HS6ST3: variants seen among roughly 807,000 people sequenced by gnomAD.
The protein encoded by HS6ST3 is heparan sulfate 6-O-sulfotransferase 3.
A neutral mutation model predicts 36.7 loss-of-function variants in HS6ST3; 12 were observed. That is an observed-to-expected ratio of 0.33 (90% CI 0.21 to 0.53). The LOEUF is 0.53. Among genes scored for constraint, HS6ST3 ranks in the 20% least tolerant of loss-of-function variants. The pLI, the probability that HS6ST3 is intolerant of heterozygous loss-of-function variation, is 0.95. For synonymous variants in HS6ST3, 240 were observed against 257.5 expected (o/e 0.93, Z 0.65); for missense variants, 584 against 640.9 (o/e 0.91, Z 0.96).
At chr13:96,264,599 A>G (rs1386316935) in intron 1 of HS6ST3, among the ~76,000 whole-genome samples, 1 of 152,202 alleles carries the variant, frequency 6.6e-6, no homozygotes, top group Non-Finnish European at 1.5e-5. Context: ...GCCCTCATGA[A>G]TGGCTGAAAA....
intron 1 of HS6ST3, among the ~76,000 whole-genome samples, chr13:96,316,107 G>C (rs1359698310): frequency 6.6e-6 from 1 of 152,122 alleles, no homozygotes; most frequent in African/African-American, 2.4e-5. Context: ...TCATAAACCA[G>C]TACTTGTGGA....
intron 1 of HS6ST3, among the ~76,000 whole-genome samples, chr13:96,475,391 CTGAAGGCTT>C (rs2055858456): frequency 6.6e-6 from 1 of 152,018 alleles, no homozygotes; most frequent in African/African-American, 2.4e-5. Context: ...GCACATTTTC[CTGAAGGCTT>C]TGGGCACTAA....
At chr13:96,731,804 C>T (rs2138477456) in intron 1 of HS6ST3, among the ~76,000 whole-genome samples, 1 of 151,988 alleles carries the variant, frequency 6.6e-6, no homozygotes, top group East Asian at 1.9e-4. Flanking sequence ...TACAGGCATG[C>T]ACCACCACAC....
chr13:96,110,443 T>A (rs1298286364), intron 1 of HS6ST3, among the ~76,000 whole-genome samples: 1 of 144,134 alleles, frequency 6.9e-6, no homozygotes, highest in Admixed American at 6.9e-5. Flanking sequence ...TGTGTGTGTG[T>A]TTTTTTTTTT....
At chr13:96,128,915 A>G (rs2053963982) in intron 1 of HS6ST3, among the ~76,000 whole-genome samples, 1 of 150,432 alleles carries the variant, frequency 6.6e-6, no homozygotes, top group African/African-American at 2.5e-5. Context: ...GGGCAATCTC[A>G]GCTCACTGCA....
At chr13:96,497,202 G>A (rs1205776213) in intron 1 of HS6ST3, among the ~76,000 whole-genome samples, 3 of 152,120 alleles carry the variant, frequency 2.0e-5, no homozygotes, top group Non-Finnish European at 4.4e-5. Flanking sequence ...GTAGATATAT[G>A]TGTGCTCTCA....
rs1003703764 is a variant in HS6ST3, at chr13:96,736,819, G to T, written c.708-95671G>T. Among the ~76,000 whole-genome samples the T allele has an allele frequency of 2.4e-4, 37 of 152,170 alleles. 1 individual carries two copies. Among genetic ancestry groups the T allele is most frequent in the Admixed American group, 1.5e-3 (23 of 15,282 alleles). ...TTATTTGGAAACAGTGAAAAGCACA[G>T]CTATGTGGAAATTTTCAAAATTTCT... On this transcript the variant is annotated intron_variant, in intron 1 of 1. Transcript: ENST00000376705.
At chr13:96,672,071 A>G (rs1020419914) in intron 1 of HS6ST3, among the ~76,000 whole-genome samples, 1 of 152,062 alleles carries the variant, frequency 6.6e-6, no homozygotes, top group Non-Finnish European at 1.5e-5. Flanking sequence ...ATTTATTCCC[A>G]TATTTCTAAA....
At chr13:96,677,245 C>A (rs2138435146) in intron 1 of HS6ST3, among the ~76,000 whole-genome samples, 1 of 152,078 alleles carries the variant, frequency 6.6e-6, no homozygotes, top group South Asian at 2.1e-4. Flanking sequence ...AAGATAGTTT[C>A]TCTGCCAATA....
chr13:96,429,714 A>T (rs906518765), intron 1 of HS6ST3, among the ~76,000 whole-genome samples: 1 of 152,218 alleles, frequency 6.6e-6, no homozygotes, highest in Non-Finnish European at 1.5e-5. Flanking sequence ...GTGGTTTTTA[A>T]GCTTAAATTC....
intron 1 of HS6ST3, among the ~76,000 whole-genome samples, chr13:96,604,864 G>A (rs959225702): frequency 2.0e-4 from 30 of 152,114 alleles, no homozygotes; most frequent in African/African-American, 7.0e-4. Flanking sequence ...TAAGGTTCAC[G>A]TGTCTGGGAG....
chr13:96,637,939 T>G (rs1461219103), intron 1 of HS6ST3, among the ~76,000 whole-genome samples: 2 of 152,128 alleles, frequency 1.3e-5, no homozygotes, highest in Non-Finnish European at 2.9e-5. Context: ...TTAGGGTTGT[T>G]GAGGGACATG....
At chr13:96,738,656 G>A (rs1366386776) in intron 1 of HS6ST3, among the ~76,000 whole-genome samples, 1 of 152,076 alleles carries the variant, frequency 6.6e-6, no homozygotes, top group South Asian at 2.1e-4. Context: ...TAAATGTGAC[G>A]AAATACTGAA....
intron 1 of HS6ST3, among the ~76,000 whole-genome samples, chr13:96,197,910 G>T (rs2054322209): frequency 6.6e-6 from 1 of 152,186 alleles, no homozygotes; most frequent in South Asian, 2.1e-4. Context: ...CCCCAGTAGG[G>T]ACTCTGTGTG....
intron 1 of HS6ST3, among the ~76,000 whole-genome samples, chr13:96,442,638 C>A (rs1392316972): frequency 2.6e-5 from 4 of 151,998 alleles, no homozygotes; most frequent in Non-Finnish European, 5.9e-5. Flanking sequence ...AGCCATGCAT[C>A]CAAGGGAGAA....
chr13:96,283,628 C>A (rs980568444), intron 1 of HS6ST3, among the ~76,000 whole-genome samples: 2 of 152,124 alleles, frequency 1.3e-5, no homozygotes. Context: ...AAATAATATA[C>A]CATTTAGTTT....
chr13:96,103,285 C>T (rs2053826350), intron 1 of HS6ST3, among the ~76,000 whole-genome samples: 1 of 152,146 alleles, frequency 6.6e-6, no homozygotes, highest in African/African-American at 2.4e-5. Flanking sequence ...AGAGTGGTAT[C>T]CAGAAAAGAC....
intron 1 of HS6ST3, among the ~76,000 whole-genome samples, chr13:96,426,358 G>A (rs1434744580): frequency 6.6e-6 from 1 of 152,054 alleles, no homozygotes; most frequent in African/African-American, 2.4e-5. Context: ...GTTTTCTAAG[G>A]TTGTAATTGT....
chr13:96,355,445 G>A lies in HS6ST3; in HGVS notation c.707+263876G>A, dbSNP rs944127677. ...CACACAGAGGCATAGATGATAATGT[G>A]GGTTTGGTTCCTGACTGCCACCATA... On this transcript the variant is annotated intron_variant, in intron 1 of 1. Coordinates refer to ENST00000376705, the MANE Select transcript of HS6ST3 (RefSeq NM_153456.4). 2.6e-5 allele frequency among the ~76,000 whole-genome samples: 4 copies of A among 151,668 alleles called. No individual in the cohort carries two copies. The South Asian group carries it at 8.3e-4, about 32-fold the overall frequency.
Sources: allele counts gnomAD v4.1 joint callset (sites outside exome capture counted in the v4.1 genomes callset), GRCh38; gene constraint gnomAD v4.1.1; transcripts MANE v1.5; gene names NCBI Gene and HGNC (gene_info 2026-07-23, HGNC 2026-07-21).